Variants in HTR1F observed in about 807,000 individuals in gnomAD.
The protein encoded by HTR1F is 5-hydroxytryptamine receptor 1F.
A neutral mutation model predicts 24.0 loss-of-function variants in HTR1F; 17 were observed. That is an observed-to-expected ratio of 0.71 (90% CI 0.48 to 1.06). The LOEUF is 1.06. Ranked by LOEUF, HTR1F falls within the 50% of genes least tolerant of loss-of-function variation. The pLI, the probability that HTR1F is intolerant of heterozygous loss-of-function variation, is 0.00. For missense variants in HTR1F, 391 were observed against 427.8 expected (o/e 0.91, Z 0.76); for synonymous variants, 186 against 156.8 (o/e 1.19, Z -1.39).
intron 2 of HTR1F, among the ~76,000 whole-genome samples, chr3:87,931,269 A>C (rs900692708): frequency 6.6e-6 from 1 of 151,880 alleles, no homozygotes; most frequent in African/African-American, 2.4e-5. Context: ...TCATTGTTCA[A>C]TTCCCATCTA....
At chr3:87,984,019 T>C (rs1416801504) in intron 2 of HTR1F, among the ~76,000 whole-genome samples, 1 of 152,202 alleles carries the variant, frequency 6.6e-6, no homozygotes, top group Non-Finnish European at 1.5e-5. Context: ...CCTGGTGTCC[T>C]TACCATGGCA....
At chr3:87,850,430 G>A (rs1392947725) in intron 2 of HTR1F, among the ~76,000 whole-genome samples, 3 of 151,772 alleles carry the variant, frequency 2.0e-5, no homozygotes, top group Admixed American at 1.3e-4. Context: ...AACACAGGAA[G>A]GGTAACATCA....
intron 2 of HTR1F, among the ~76,000 whole-genome samples, chr3:87,974,419 T>G (rs1424198596): frequency 6.6e-6 from 1 of 152,204 alleles, no homozygotes; most frequent in Non-Finnish European, 1.5e-5. Flanking sequence ...TCCGAGTGCA[T>G]GTTATTAAAT....
At chr3:87,873,155 T>G (rs1340526516) in intron 2 of HTR1F, among the ~76,000 whole-genome samples, 1 of 150,474 alleles carries the variant, frequency 6.6e-6, no homozygotes, top group Admixed American at 6.6e-5. Flanking sequence ...TGAGATTTAT[T>G]ATAAGAATTG....
intron 2 of HTR1F, among the ~76,000 whole-genome samples, chr3:87,857,569 C>A (rs1481871120): frequency 6.6e-6 from 1 of 151,990 alleles, no homozygotes; most frequent in Non-Finnish European, 1.5e-5. Context: ...ATCTCCATTC[C>A]AAGTCTTTTT....
At chr3:87,953,856 TA>T (rs762350560) in intron 2 of HTR1F, among the ~76,000 whole-genome samples, 2 of 151,778 alleles carry the variant, frequency 1.3e-5, no homozygotes, top group Non-Finnish European at 3.0e-5. Flanking sequence ...ATTCAGTCAT[TA>T]AAAGAAGGAA....
intron 2 of HTR1F, among the ~76,000 whole-genome samples, chr3:87,958,124 T>TA (rs1405537578): frequency 6.6e-6 from 1 of 151,600 alleles, no homozygotes; most frequent in African/African-American, 2.4e-5. Context: ...TGTAATTTTT[T>TA]ATTGGAGTCA....
rs528965493 is a variant in HTR1F at position 87,943,194 on chromosome 3, G to A, written c.-42-47514G>A. Among the ~76,000 whole-genome samples the A allele has an allele frequency of 3.3e-5, 5 of 152,260 alleles. No homozygotes were observed. The South Asian group carries it at 1.0e-3, about 32-fold the overall frequency. The stretch of plus-strand genomic sequence containing the variant: ...GGGGAATCGTTCTCTTTCTTCTGTT[G>A]TCATCCTATCATTGACCTGACTGAG... On this transcript the variant is annotated intron_variant, in intron 2 of 2. Coordinates refer to ENST00000319595, the MANE Select transcript of HTR1F (RefSeq NM_001322209.2).
At chr3:87,846,306 C>A (rs1218339388) in intron 2 of HTR1F, among the ~76,000 whole-genome samples, 2 of 151,764 alleles carry the variant, frequency 1.3e-5, no homozygotes, top group Non-Finnish European at 2.9e-5. Context: ...TGATGGCAAG[C>A]ACCTGTAATC....
At chr3:87,839,074 A>G (rs1470756528) in intron 2 of HTR1F, among the ~76,000 whole-genome samples, 1 of 105,286 alleles carries the variant, frequency 9.5e-6, no homozygotes, top group Non-Finnish European at 2.2e-5. Context: ...TAATCTTTTT[A>G]TTTTCTTTTG....
intron 1 of HTR1F, among the ~76,000 whole-genome samples, chr3:87,797,224 T>G (rs182432917): frequency 3.1e-4 from 47 of 152,326 alleles, no homozygotes; most frequent in Admixed American, 7.8e-4. Flanking sequence ...AAACATAGTG[T>G]GTATACAGAG....
chr3:87,828,579 T>C (rs1463980514), intron 2 of HTR1F, among the ~76,000 whole-genome samples: 1 of 152,232 alleles, frequency 6.6e-6, no homozygotes, highest in Non-Finnish European at 1.5e-5. Context: ...CAAGGAAGAA[T>C]TGCTGATCAG....
At chr3:87,824,172 C>A (rs1360903986) in intron 2 of HTR1F, among the ~76,000 whole-genome samples, 4 of 152,084 alleles carry the variant, frequency 2.6e-5, no homozygotes, top group Admixed American at 1.3e-4. Context: ...CTCAATGATT[C>A]AAAATAGATA....
intron 2 of HTR1F, among the ~76,000 whole-genome samples, chr3:87,922,933 G>C (rs569889882): frequency 1.3e-5 from 2 of 149,438 alleles, no homozygotes; most frequent in African/African-American, 4.9e-5. Context: ...AACCCATTTC[G>C]AGTTAATTTT....
At chr3:87,912,864 G>T (rs904107178) in intron 2 of HTR1F, among the ~76,000 whole-genome samples, 1 of 152,106 alleles carries the variant, frequency 6.6e-6, no homozygotes, top group African/African-American at 2.4e-5. Flanking sequence ...AATAAATTGT[G>T]CTGGAATAAC....
intron 2 of HTR1F, among the ~76,000 whole-genome samples, chr3:87,961,689 C>G (rs1469367195): frequency 2.0e-5 from 3 of 151,376 alleles, no homozygotes; most frequent in African/African-American, 7.3e-5. Context: ...TCTCACCCAG[C>G]GAGACAACTT....
intron 2 of HTR1F, among the ~76,000 whole-genome samples, chr3:87,962,131 A>G (rs1484829638): frequency 1.3e-5 from 2 of 152,066 alleles, no homozygotes; most frequent in African/African-American, 2.4e-5. Context: ...CTGGCATGCC[A>G]AAAGTAATAA....
Position 87,957,313 on chromosome 3 carries a change from T to C in HTR1F, c.-42-33395T>C, listed in dbSNP as rs1464188869. On this transcript the variant is annotated intron_variant, in intron 2 of 2. Coordinates refer to ENST00000319595, the MANE Select transcript of HTR1F (RefSeq NM_001322209.2). ...CATTCCTGAGATAAATCTCACTTGG[T>C]CAGGATATGTTATCTTTTATAAATA... Among the ~76,000 whole-genome samples, 5 of 151,354 alleles carry C rather than the reference T, an allele frequency of 3.3e-5. No homozygotes were observed. In the South Asian group the frequency reaches 1.0e-3, roughly 31 times the overall value.
chr3:87,810,739 A>G (rs1403045076), intron 1 of HTR1F, among the ~76,000 whole-genome samples: 1 of 152,178 alleles, frequency 6.6e-6, no homozygotes, highest in East Asian at 1.9e-4. Context: ...TGGTGTATAA[A>G]TTATTTCAAT....
Sources: allele counts gnomAD v4.1 joint callset (sites outside exome capture counted in the v4.1 genomes callset), GRCh38; gene constraint gnomAD v4.1.1; transcripts MANE v1.5; gene names NCBI Gene and HGNC (gene_info 2026-07-23, HGNC 2026-07-21).